The following SMAD3 variants were observed in gnomAD, a reference collection of about 807,000 sequenced individuals.
The protein encoded by SMAD3 is MAD homolog 3.
A neutral mutation model predicts 51.8 loss-of-function variants in SMAD3; 12 were observed. That is an observed-to-expected ratio of 0.23 (90% CI 0.15 to 0.38). The LOEUF (loss-of-function observed/expected upper bound fraction) is 0.38, where lower values mean the gene tolerates loss of function less well. Among genes scored for constraint, SMAD3 ranks in the 10% least tolerant of loss-of-function variants. The pLI, the probability that SMAD3 is intolerant of heterozygous loss-of-function variation, is 1.00. For synonymous variants in SMAD3, 238 were observed against 227.7 expected (o/e 1.05, Z -0.41); for missense variants, 294 against 565.6 (o/e 0.52, Z 4.87).
intron 1 of SMAD3, among the ~76,000 whole-genome samples, chr15:67,122,936 A>G (rs1030671408): frequency 9.9e-5 from 15 of 152,200 alleles, no homozygotes; most frequent in African/African-American, 3.1e-4. Flanking sequence ...CTGTAATCCC[A>G]GTACTTTGGG....
chr15:67,119,203 C>T (rs564271430), intron 1 of SMAD3, among the ~76,000 whole-genome samples: 9 of 152,240 alleles, frequency 5.9e-5, no homozygotes, highest in Admixed American at 1.3e-4. Flanking sequence ...AGGTGAGTGA[C>T]GAGACCCTGC....
At chr15:67,095,526 G>A (rs1008549308) in intron 1 of SMAD3, among the ~76,000 whole-genome samples, 8 of 150,364 alleles carry the variant, frequency 5.3e-5, no homozygotes, top group African/African-American at 2.0e-4. Flanking sequence ...TTGGTTTAAT[G>A]CTCTGCTGTC....
intron 1 of SMAD3, among the ~76,000 whole-genome samples, chr15:67,102,174 T>G (rs1269219253): frequency 6.6e-6 from 1 of 152,020 alleles, no homozygotes; most frequent in Admixed American, 6.6e-5. Flanking sequence ...ATGAGGATAA[T>G]TGACCCAGTG....
intron 1 of SMAD3, among the ~76,000 whole-genome samples, chr15:67,128,452 A>G (rs1257361634): frequency 6.6e-6 from 1 of 152,162 alleles, no homozygotes; most frequent in Non-Finnish European, 1.5e-5. Context: ...TGAAGGATTA[A>G]AAGAGCTGGT....
At chr15:67,108,993 T>C (rs1960942094) in intron 1 of SMAD3, among the ~76,000 whole-genome samples, 1 of 152,234 alleles carries the variant, frequency 6.6e-6, no homozygotes, top group African/African-American at 2.4e-5. Context: ...TTAATTTTCC[T>C]CAAGTTGGCT....
chr15:67,088,333 G>A (rs937284271), intron 1 of SMAD3, among the ~76,000 whole-genome samples: 2 of 152,196 alleles, frequency 1.3e-5, no homozygotes, highest in African/African-American at 4.8e-5. Context: ...AGGAGGTGAG[G>A]TGGGTGGGCA....
At chr15:67,135,598 G>A (rs995881939) in intron 1 of SMAD3, among the ~76,000 whole-genome samples, 9 of 151,686 alleles carry the variant, frequency 5.9e-5, no homozygotes, top group African/African-American at 2.2e-4. Context: ...AATTTCAGAA[G>A]ACAAGTTAAT....
chr15:67,109,616 C>T (rs1418060957), intron 1 of SMAD3, among the ~76,000 whole-genome samples: 1 of 152,136 alleles, frequency 6.6e-6, no homozygotes, highest in Admixed American at 6.5e-5. Context: ...AGCCAAGAGC[C>T]ATGGAATAAT....
chr15:67,177,798 T>G (rs1162495995), intron 5 of SMAD3, among the ~76,000 whole-genome samples: 2 of 152,076 alleles, frequency 1.3e-5, no homozygotes, highest in African/African-American at 4.8e-5. Flanking sequence ...GACCATACTT[T>G]CTGGTCTGCC....
intron 1 of SMAD3, among the ~76,000 whole-genome samples, chr15:67,154,488 A>G (rs1962229977): frequency 6.6e-6 from 1 of 152,224 alleles, no homozygotes. Context: ...GCACATGGTC[A>G]CTGTGGTAGA....
intron 4 of SMAD3, among the ~76,000 whole-genome samples, chr15:67,167,229 G>T (rs1962616398): frequency 6.6e-6 from 1 of 152,218 alleles, no homozygotes; most frequent in South Asian, 2.1e-4. Context: ...GTTAGAGTGG[G>T]CAAGGGGTGT....
chr15:67,078,127 C>T (rs544542558), intron 1 of SMAD3: 7 of 152,272 alleles, frequency 4.6e-5, no homozygotes, highest in Non-Finnish European at 1.0e-4. Context: ...TGTTCACTGT[C>T]AGGAGAGAAG....
At chr15:67,084,449 C>T (rs1169465242) in intron 1 of SMAD3, among the ~76,000 whole-genome samples, 5 of 152,164 alleles carry the variant, frequency 3.3e-5, no homozygotes. Flanking sequence ...TTTCTCAATG[C>T]ATATATTTTC....
At position 67,193,169 on chromosome 15, in the gene SMAD3, TA is replaced by T; in HGVS notation, c.*2637del. ...TGTTGTATGAATGGCATTTGTATAT[TA>T]AAACACTTTTTTAAAGGACAGTTGA... is the stretch of plus-strand genomic sequence containing the variant. On this transcript the variant is annotated 3_prime_UTR_variant, in exon 9 of 9. Transcript: ENST00000327367. 2 of 233,392 alleles carry T rather than the reference TA, an allele frequency of 8.6e-6. No homozygotes were observed. The highest frequency in any genetic ancestry group is 1.7e-5 in the Non-Finnish European group (2 of 118,042). 14.5% of individuals were successfully genotyped at this position (233,392 alleles called of 1,614,324 possible). A position where few individuals can be genotyped will look rare whatever the true frequency, so the allele number is the denominator to read the frequency against.
In SMAD3 at chr15:67,092,225, GGGAT is replaced by G. The variant is rs1375016351; in HGVS notation, c.206+25870_206+25873del. On this transcript the variant is annotated intron_variant, in intron 1 of 8. Coordinates refer to ENST00000327367, the MANE Select transcript of SMAD3 (RefSeq NM_005902.4). ...GACACAGCAGAGCACAGGAAGATGAGGGATGGATCAGAGGGCAAACTGGACTTGG... is the reference window on the plus strand; with the variant it reads ...GACACAGCAGAGCACAGGAAGATGAGGGATCAGAGGGCAAACTGGACTTGG... Among the ~76,000 whole-genome samples the G allele has an allele frequency of 3.3e-5, 5 of 152,208 alleles. No individual in the cohort carries two copies. In the East Asian group the frequency reaches 9.6e-4, roughly 29 times the overall value.
chr15:67,125,626 C>T (rs141572246), intron 1 of SMAD3: 148 of 732,616 alleles, frequency 2.0e-4, no homozygotes, highest in African/African-American at 5.9e-4. Flanking sequence ...ATCCAGAGTG[C>T]GTGGTGTTTA....
intron 6 of SMAD3, among the ~76,000 whole-genome samples, chr15:67,181,739 C>A (rs1040725856): frequency 4.0e-5 from 6 of 151,776 alleles, no homozygotes. Flanking sequence ...AATAGTTCAT[C>A]TAAGGGATCA....
rs567562992 is a variant in SMAD3, at chr15:67,109,112, A to G, written c.206+42752A>G. Among the ~76,000 whole-genome samples, 15 of 152,336 alleles carry G rather than the reference A, an allele frequency of 9.8e-5. No homozygotes were observed. The South Asian group carries it at 2.1e-3, about 21-fold the overall frequency. On this transcript the variant is annotated intron_variant, in intron 1 of 8. Transcript: ENST00000327367. ...CCTGATAAAGCATGGTCACTTCACA[A>G]ATACTTGTCGAAGAATGCATGGGAT...
intron 1 of SMAD3, among the ~76,000 whole-genome samples, chr15:67,118,858 G>A (rs1373199948): frequency 6.6e-6 from 1 of 152,148 alleles, no homozygotes; most frequent in African/African-American, 2.4e-5. Context: ...TCCTCTTTGT[G>A]TCCCTTGAGC....
Sources: gnomAD v4.1 joint callset for allele counts (sites outside exome capture counted in the v4.1 genomes callset) on GRCh38, gnomAD v4.1.1 for gene constraint, MANE v1.5 for transcripts, NCBI Gene and HGNC (gene_info 2026-07-23, HGNC 2026-07-21) for gene names.